The following WDR35 variants were observed in gnomAD, a reference collection of about 807,000 sequenced individuals.
WDR35 encodes the protein WD repeat-containing protein 35.
In WDR35, 118 loss-of-function variants were observed where a neutral mutation model predicts 158.3. The observed-to-expected ratio is 0.75, with a 90% confidence interval of 0.64 to 0.87. The LOEUF is 0.87. WDR35 is among the 40% of genes least tolerant of loss of function. The pLI, the probability that WDR35 is intolerant of heterozygous loss-of-function variation, is 0.00. For missense variants in WDR35, 1,263 were observed against 1,405.8 expected (o/e 0.90, Z 1.62); for synonymous variants, 448 against 476.1 (o/e 0.94, Z 0.77).
At chr2:19,916,550 G>A (rs193301421) in intron 25 of WDR35, among the ~76,000 whole-genome samples, 2 of 152,344 alleles carry the variant, frequency 1.3e-5, no homozygotes, top group Non-Finnish European at 2.9e-5. Flanking sequence ...GAGCTTGGTG[G>A]GGGAAGAGGC....
Position 19,947,996 on chromosome 2 carries a change from G to A in WDR35, c.1524+168C>T, listed in dbSNP as rs10178454. Among the ~76,000 whole-genome samples the A allele has an allele frequency of 0.027, 4,095 of 151,674 alleles. 161 individuals are homozygous for A. The highest frequency in any genetic ancestry group is 0.093 in the African/African-American group (3,858 of 41,288). On this transcript the variant is annotated intron_variant, in intron 14 of 26. Transcript: ENST00000281405. Reference sequence around the variant, plus strand: ...TGTAATTTTTTTTTTTAGAGACAAGGTTTCACTATGTTCTCAGTCTGGTCT... The same window carrying A: ...TGTAATTTTTTTTTTTAGAGACAAGATTTCACTATGTTCTCAGTCTGGTCT...
At chr2:19,941,908 T>C (rs1407265817) in intron 16 of WDR35, 69 bp from the exon 17 acceptor site, 2 of 1,130,568 alleles carry the variant, frequency 1.8e-6, no homozygotes, top group Non-Finnish European at 2.6e-6. Context: ...ATCATGCTTT[T>C]AAATTTTATT....
chr2:19,914,037 CCTTCCATAAGG>C lies in WDR35; in HGVS notation c.3351_3361del (p.Ser1117ArgfsTer18), dbSNP rs1261236879. 1.9e-6 allele frequency: 3 copies of C among 1,613,772 alleles called. No homozygotes were observed. The African/African-American group carries it at 4.0e-5, about 22-fold the overall frequency. On this transcript the variant is annotated frameshift_variant and splice_region_variant, in exon 26 of 27. Transcript: ENST00000281405. LOFTEE classifies it high-confidence loss of function. ...CATCCACTAATTAAAATTAGCCTAC[CCTTCCATAAGG>C]CTGTCCAATTCAGGTTTTCTGTTAT... is the stretch of plus-strand genomic sequence containing the variant.
At position 19,974,608 on chromosome 2, in the gene WDR35, A is replaced by G. The variant is rs1159503904; in HGVS notation, c.596T>C (p.Val199Ala). The G allele has an allele frequency of 6.2e-7, 1 of 1,613,662 alleles. No individual in the cohort carries two copies. Among genetic ancestry groups the G allele is most frequent in the Non-Finnish European group, 8.5e-7 (1 of 1,179,832 alleles). Residue 199 changes from valine (V) to alanine (A), a missense_variant, in exon 7 of 27, where the codon GTG becomes GCG. Transcript: ENST00000281405. ...AATGCTGATAGCTCCAGTGACATTC[A>G]CCAAACAACTCAGTTTCATTTTTAT... is the stretch of plus-strand genomic sequence containing the variant. Reference protein sequence around the residue: ...FMIKMKLSCLVNVTGAISIAG... With the variant: ...FMIKMKLSCLANVTGAISIAG...
Position 19,982,446 on chromosome 2 carries a change from G to A in WDR35, c.214+17C>T, listed in dbSNP as rs1672411666. 3 of 1,612,062 alleles carry A rather than the reference G, an allele frequency of 1.9e-6. No individual in the cohort carries two copies. The highest frequency in any genetic ancestry group is 3.3e-5 in the Admixed American group (2 of 59,862). On this transcript the variant is annotated intron_variant, in intron 3 of 26. Coordinates refer to ENST00000281405, the MANE Select transcript of WDR35 (RefSeq NM_020779.4). ...AATACCACTCAAACATGACTTAAAA[G>A]AAATTGAATGACTCACCACTATGAC... is the stretch of plus-strand genomic sequence containing the variant.
chr2:19,960,020 T>C (rs940521785), intron 11 of WDR35, among the ~76,000 whole-genome samples: 1 of 152,024 alleles, frequency 6.6e-6, no homozygotes. Flanking sequence ...CAAAAGTCCT[T>C]TGAAAACAAA....
intron 10 of WDR35, among the ~76,000 whole-genome samples, chr2:19,964,764 A>G (rs1383607596): frequency 6.6e-6 from 1 of 151,830 alleles, no homozygotes; most frequent in African/African-American, 2.4e-5. Flanking sequence ...TTCACTTTAC[A>G]AGTGTTTTCC....
At chr2:19,933,613 T>C (rs1454787616) in intron 21 of WDR35, 102 bp from the exon 22 acceptor site, 1 of 1,004,156 alleles carries the variant, frequency 1.0e-6, no homozygotes, top group Non-Finnish European at 1.5e-6. Context: ...TTAAATTTAC[T>C]GGTAGTTACA....
intron 1 of WDR35, 135 bp from the exon 2 acceptor site, chr2:19,989,417 T>A (rs1343756126): frequency 2.5e-6 from 2 of 812,552 alleles, no homozygotes; most frequent in African/African-American, 1.7e-5. Context: ...TGAGCTGTTG[T>A]GAAAATGGGC....
intron 24 of WDR35, 28 bp from the exon 25 acceptor site, chr2:19,930,580 C>G: frequency 1.2e-6 from 2 of 1,613,438 alleles, no homozygotes; most frequent in Non-Finnish European, 1.7e-6. Context: ...CCACACTTTC[C>G]GTCAGCACAA....
Position 19,936,346 on chromosome 2 carries a change from G to A in WDR35, c.2287C>T (p.Arg763Trp), listed in dbSNP as rs200970377. ...MDRRDLAIGLRLKLGDWFRVL... is the reference protein window; with the variant it reads ...MDRRDLAIGLWLKLGDWFRVL... ...CTAAACCAATCCCCCAATTTCAGCC[G>A]GAGGCCAATAGCAAGATCCCTACAA... Residue 763 changes from arginine to tryptophan, a missense_variant, in exon 20 of 27, where the codon CGG becomes TGG. By Grantham distance (101) the Arg-to-Trp change is moderately radical. Coordinates refer to ENST00000281405, the MANE Select transcript of WDR35 (RefSeq NM_020779.4). 2.9e-5 allele frequency: 46 copies of A among 1,613,774 alleles called. No individual in the cohort carries two copies. The South Asian group carries it at 3.6e-4, about 13-fold the overall frequency.
chr2:19,931,476 C>T, intron 23 of WDR35, 67 bp from the exon 24 acceptor site: 1 of 1,567,672 alleles, frequency 6.4e-7, no homozygotes, highest in African/African-American at 1.3e-5. Flanking sequence ...CAATCATTTC[C>T]AAAACTAACA....
At chr2:19,966,636 C>T in intron 10 of WDR35, 88 bp downstream of exon 10, 1 of 1,463,446 alleles carries the variant, frequency 6.8e-7, no homozygotes. Context: ...GATGTACTTG[C>T]CAGTGTAGAG....
intron 25 of WDR35, among the ~76,000 whole-genome samples, chr2:19,925,813 T>C (rs1337606368): frequency 2.0e-5 from 3 of 152,136 alleles, no homozygotes; most frequent in South Asian, 2.1e-4. Context: ...GGTATGGGAC[T>C]AGAAAAAAAT....
intron 25 of WDR35, among the ~76,000 whole-genome samples, chr2:19,926,130 T>C (rs999183446): frequency 2.0e-5 from 3 of 152,242 alleles, no homozygotes; most frequent in Admixed American, 6.5e-5. Context: ...TTAAGAGCCA[T>C]CAATTCAGTT....
intron 25 of WDR35, among the ~76,000 whole-genome samples, chr2:19,928,207 G>A (rs746493292): frequency 9.9e-5 from 15 of 152,236 alleles, no homozygotes; most frequent in Non-Finnish European, 1.6e-4. Flanking sequence ...CCAGTAGCAT[G>A]AGCAATCTGT....
At chr2:19,967,406 AC>A (rs1157230618) in intron 9 of WDR35, among the ~76,000 whole-genome samples, 1 of 151,966 alleles carries the variant, frequency 6.6e-6, no homozygotes, top group Non-Finnish European at 1.5e-5. Flanking sequence ...CAAATGTAGA[AC>A]CCCCTGCCAA....
chr2:19,963,931 A>G (rs903471269), intron 10 of WDR35, among the ~76,000 whole-genome samples: 9 of 152,064 alleles, frequency 5.9e-5, no homozygotes, highest in African/African-American at 2.2e-4. Context: ...TTTAGTAGAG[A>G]TAGGGTTTTG....
At position 19,938,270 on chromosome 2, in the gene WDR35, T is replaced by C; in HGVS notation, c.2058A>G (p.Arg686=). Residue 686 remains arginine, a synonymous_variant, in exon 18 of 27, where the codon CGA becomes CGG. Coordinates refer to ENST00000281405, the MANE Select transcript of WDR35 (RefSeq NM_020779.4). Reference sequence around the variant, plus strand: ...AGTTTGCTTTTTTTAAATACCAAAGTCGGGGGTGTGGATTGTCCTCTATGA... The same window carrying C: ...AGTTTGCTTTTTTTAAATACCAAAGCCGGGGGTGTGGATTGTCCTCTATGA... ...SQFIEDNPHP[R]LWRLLAEAAL... 6.2e-7 allele frequency: 1 copy of C among 1,613,936 alleles called. No individual in the cohort carries two copies. Among genetic ancestry groups the C allele is most frequent in the Non-Finnish European group, 8.5e-7 (1 of 1,179,962 alleles).
Sources: gnomAD v4.1 joint callset for allele counts (sites outside exome capture counted in the v4.1 genomes callset) on GRCh38, gnomAD v4.1.1 for gene constraint, MANE v1.5 for transcripts, NCBI Gene and HGNC (gene_info 2026-07-23, HGNC 2026-07-21) for gene names.